CDK14: variants seen among roughly 807,000 people sequenced by gnomAD.
CDK14 encodes cyclin dependent kinase 14.
In CDK14, 34 loss-of-function variants were observed where a neutral mutation model predicts 60.7. The ratio of observed to expected loss-of-function variants is 0.56; its 90% CI spans 0.43 to 0.75. The LOEUF (loss-of-function observed/expected upper bound fraction) is 0.75. Among genes scored for constraint, CDK14 ranks in the 30% least tolerant of loss-of-function variants. The pLI, the probability that CDK14 is intolerant of heterozygous loss-of-function variation, is 0.00. For missense variants in CDK14, 482 were observed against 564.1 expected (o/e 0.85, Z 1.47); for synonymous variants, 197 against 203.7 (o/e 0.97, Z 0.28).
At chr7:90,769,060 A>AT (rs1443053118) in intron 4 of CDK14, among the ~76,000 whole-genome samples, 2 of 152,242 alleles carry the variant, frequency 1.3e-5, no homozygotes, top group Non-Finnish European at 1.5e-5. Flanking sequence ...ACATACAAAA[A>AT]TTTAGACATT....
intron 4 of CDK14, among the ~76,000 whole-genome samples, chr7:90,752,726 T>C (rs1803896131): frequency 6.6e-6 from 1 of 152,082 alleles, no homozygotes. Context: ...AAAAGTTGGT[T>C]CTTTGAAAGG....
chr7:90,781,790 A>G (rs1197723686), intron 4 of CDK14, among the ~76,000 whole-genome samples: 129 of 152,080 alleles, frequency 8.5e-4, no homozygotes, highest in Non-Finnish European at 1.3e-3. Context: ...CTGTTTTGGT[A>G]CCAGTACCAT....
At chr7:91,107,679 A>G (rs1269868182) in intron 12 of CDK14, 1 of 152,250 alleles carries the variant, frequency 6.6e-6, no homozygotes, top group Non-Finnish European at 1.5e-5. Flanking sequence ...TTCGTAAGAC[A>G]AAAGTGAAAT....
chr7:90,881,745 G>A (rs1286920621), intron 6 of CDK14, among the ~76,000 whole-genome samples: 1 of 152,190 alleles, frequency 6.6e-6, no homozygotes, highest in Non-Finnish European at 1.5e-5. Flanking sequence ...ACTCTCAGCA[G>A]AAACTCTACC....
intron 3 of CDK14, among the ~76,000 whole-genome samples, chr7:90,745,562 T>C (rs1803557991): frequency 6.6e-6 from 1 of 152,134 alleles, no homozygotes; most frequent in African/African-American, 2.4e-5. Flanking sequence ...ACTACAGACT[T>C]GTGCCACCAC....
intron 5 of CDK14, 69 bp downstream of exon 5, chr7:90,790,721 C>T (rs1805797583): frequency 1.0e-6 from 1 of 955,500 alleles, no homozygotes; most frequent in African/African-American, 1.6e-5. Context: ...TAATATTATA[C>T]ACCTCTGAAT....
intron 10 of CDK14, among the ~76,000 whole-genome samples, chr7:91,007,511 A>G (rs951795318): frequency 6.6e-6 from 1 of 152,208 alleles, no homozygotes; most frequent in Non-Finnish European, 1.5e-5. Flanking sequence ...GCATTTCCAG[A>G]CAGAACACTG....
intron 5 of CDK14, among the ~76,000 whole-genome samples, chr7:90,836,325 T>G (rs989123065): frequency 6.6e-6 from 1 of 152,226 alleles, no homozygotes; most frequent in Admixed American, 6.5e-5. Context: ...TATATCCTTA[T>G]TCTATAAGCT....
intron 12 of CDK14, among the ~76,000 whole-genome samples, chr7:91,080,515 G>A (rs1798456621): frequency 6.6e-6 from 1 of 152,292 alleles, no homozygotes; most frequent in East Asian, 1.9e-4. Context: ...TGAAGAGCCA[G>A]TTCTTAACCT....
At chr7:91,123,575 G>A (rs1237362510) in intron 14 of CDK14, among the ~76,000 whole-genome samples, 7 of 152,114 alleles carry the variant, frequency 4.6e-5, no homozygotes, top group East Asian at 3.9e-4. Context: ...AGAAGAGGCC[G>A]GAATGCTATT....
intron 8 of CDK14, among the ~76,000 whole-genome samples, chr7:90,942,464 G>C (rs1793964341): frequency 2.6e-5 from 4 of 152,176 alleles, no homozygotes; most frequent in Admixed American, 2.6e-4. Flanking sequence ...GGCTTCAGGG[G>C]TTAAGGATCT....
At chr7:90,638,747 C>T (rs1278398260) in intron 2 of CDK14, among the ~76,000 whole-genome samples, 3 of 152,178 alleles carry the variant, frequency 2.0e-5, no homozygotes, top group Non-Finnish European at 2.9e-5. Context: ...GTTATATTCT[C>T]CTCGTCACTT....
intron 5 of CDK14, among the ~76,000 whole-genome samples, chr7:90,849,826 A>G (rs553985243): frequency 6.6e-6 from 1 of 152,156 alleles, no homozygotes; most frequent in South Asian, 2.1e-4. Context: ...AAATCCATGT[A>G]TGGTTAGAAC....
At chr7:90,904,208 G>T (rs1344778913) in intron 7 of CDK14, among the ~76,000 whole-genome samples, 2 of 152,120 alleles carry the variant, frequency 1.3e-5, no homozygotes, top group Non-Finnish European at 2.9e-5. Flanking sequence ...TCAAGGAAAA[G>T]ATTTTAAGAG....
intron 4 of CDK14, among the ~76,000 whole-genome samples, chr7:90,753,186 CA>C (rs1803915931): frequency 6.6e-6 from 1 of 151,992 alleles, no homozygotes; most frequent in Non-Finnish European, 1.5e-5. Flanking sequence ...AGGAAAGAAA[CA>C]ATGAAAACAG....
intron 2 of CDK14, among the ~76,000 whole-genome samples, chr7:90,610,038 T>A (rs1175911594): frequency 1.3e-5 from 2 of 152,238 alleles, no homozygotes; most frequent in African/African-American, 4.8e-5. Flanking sequence ...ATCTTTCCTG[T>A]TTAGCTTTCT....
At chr7:90,656,797 G>T (rs1039114804) in intron 2 of CDK14, among the ~76,000 whole-genome samples, 2 of 152,102 alleles carry the variant, frequency 1.3e-5, no homozygotes, top group African/African-American at 4.8e-5. Flanking sequence ...CAATAAACAT[G>T]AGAAACAACT....
intron 11 of CDK14, among the ~76,000 whole-genome samples, chr7:91,066,138 T>C (rs1797970659): frequency 6.6e-6 from 1 of 152,122 alleles, no homozygotes; most frequent in Non-Finnish European, 1.5e-5. Context: ...TAAATTGAAA[T>C]TGTGAGTAAC....
Position 90,621,068 on chromosome 7 carries a change from C to T in CDK14, c.123+16819C>T, listed in dbSNP as rs1799755240. On this transcript the variant is annotated intron_variant, in intron 2 of 14. Coordinates refer to ENST00000380050, the MANE Select transcript of CDK14 (RefSeq NM_001287135.2). ...GCTCTGCATATGTGAGCACTACTAA[C>T]TCATGTTTTAGAAGGAAACAGCGTT... 2.0e-5 allele frequency among the ~76,000 whole-genome samples: 3 copies of T among 152,162 alleles called. No individual in the cohort carries two copies. In the South Asian group the frequency reaches 6.2e-4, roughly 32 times the overall value.
Sources: gnomAD v4.1 joint callset for allele counts (sites outside exome capture counted in the v4.1 genomes callset) on GRCh38, gnomAD v4.1.1 for gene constraint, MANE v1.5 for transcripts, NCBI Gene and HGNC (gene_info 2026-07-23, HGNC 2026-07-21) for gene names.